CELSR3: variants seen among roughly 807,000 people sequenced by gnomAD.
CELSR3 encodes cadherin EGF LAG seven-pass G-type receptor 3, also known as EGF-like protein 1.
CELSR3 carries 73 observed loss-of-function variants against 270.0 expected under a neutral mutation model. The ratio of observed to expected loss-of-function variants is 0.27; its 90% CI spans 0.22 to 0.33. The LOEUF is 0.33. Ranked by LOEUF, CELSR3 falls within the 10% of genes least tolerant of loss-of-function variation. CELSR3 has a pLI of 1.00. For synonymous variants in CELSR3, 1,780 were observed against 1,905.4 expected (o/e 0.93, Z 1.71); for missense variants, 3,614 against 4,533.8 (o/e 0.80, Z 5.83).
chr3:48,652,955 C>T lies in CELSR3; in HGVS notation c.5634+47G>A. On this transcript the variant is annotated intron_variant, in intron 10 of 34. Transcript: ENST00000164024. The surrounding 1 kb of genome is among the most constrained non-coding windows in gnomAD (Gnocchi z 4.3). Reference sequence around the variant, plus strand: ...AGAGGTGGGGTCAAATAAGGCGGATCTGGTTGGAAGGCTGAGAACAGACTA... The same window carrying T: ...AGAGGTGGGGTCAAATAAGGCGGATTTGGTTGGAAGGCTGAGAACAGACTA... 1 of 1,539,378 alleles carries T rather than the reference C, an allele frequency of 6.5e-7. No individual in the cohort carries two copies. Among genetic ancestry groups the T allele is most frequent in the Non-Finnish European group, 8.9e-7 (1 of 1,118,692 alleles).
chr3:48,639,905 C>T lies in CELSR3; in HGVS notation c.9680G>A (p.Arg3227Lys). 6.2e-7 allele frequency: 1 copy of T among 1,613,248 alleles called. No homozygotes were observed. Among genetic ancestry groups the T allele is most frequent in the Non-Finnish European group, 8.5e-7 (1 of 1,179,994 alleles). The stretch of plus-strand genomic sequence containing the variant: ...GCTGGGGCCACTGACCGAGTCCTCC[C>T]TAGCTCTGAGCAGCTGCGGGAGTGG... ...LGPLPQLLRA[R>K]EDSVSGPSHG... is the part of the protein sequence containing the mutation. The change falls in exon 34 of 35, where the codon AGG becomes AAG. Residue 3227 changes from arginine (R) to lysine (K), a missense_variant. By Grantham distance (26) the Arg-to-Lys change is conservative. Transcript: ENST00000164024. The surrounding 1 kb of genome is among the most constrained non-coding windows in gnomAD (Gnocchi z 4.1).
rs2077077415 is a variant in CELSR3, at chr3:48,662,545, G to T, written c.90C>A (p.Ser30Arg). Reference sequence around the variant, plus strand: ...GCCCACCGCCCCCCAGCTCCTCCTGGCTGAGGGGGAACAAAGAGAGGAGAA... The same window carrying T: ...GCCCACCGCCCCCCAGCTCCTCCTGTCTGAGGGGGAACAAAGAGAGGAGAA... The part of the protein sequence containing the change: ...LLLLLSLFPL[S>R]QEELGGGGHQ... Residue 30 changes from serine to arginine, a missense_variant, in exon 1 of 35, where the codon AGC becomes AGA. Around this residue, in one of 7 missense-constraint regions of CELSR3, gnomAD observed 470 missense variants for 469.7 expected, o/e 1.00. Coordinates refer to ENST00000164024, the MANE Select transcript of CELSR3 (RefSeq NM_001407.3). The surrounding 1 kb of genome is among the most constrained non-coding windows in gnomAD (Gnocchi z 7.1). 6 of 1,594,138 alleles carry T rather than the reference G, an allele frequency of 3.8e-6. No individual in the cohort carries two copies. The highest frequency in any genetic ancestry group is 5.1e-6 in the Non-Finnish European group (6 of 1,170,260).
Position 48,639,098 on chromosome 3 carries a change from C to T in CELSR3, c.9911+576G>A, listed in dbSNP as rs977917529. On this transcript the variant is annotated intron_variant, in intron 34 of 34. Coordinates refer to ENST00000164024, the MANE Select transcript of CELSR3 (RefSeq NM_001407.3). This position sits in a 1 kb window ranked among gnomAD's most constrained non-coding sequence, Gnocchi z 4.1. ...GCCATCCCCTTCCCCACAGATGCTT[C>T]ACACATACCCGAGATGAACCAGGTT... Among the ~76,000 whole-genome samples, 1 of 152,182 alleles carries T rather than the reference C, an allele frequency of 6.6e-6. No homozygotes were observed. Among genetic ancestry groups the T allele is most frequent in the Admixed American group, 6.5e-5 (1 of 15,280 alleles).
rs773607325 is a variant in CELSR3, at chr3:48,641,664, G to C, written c.8825-140C>G. 3.7e-6 allele frequency: 3 copies of C among 807,724 alleles called. No homozygotes were observed. In the South Asian group the frequency reaches 5.4e-5, roughly 15 times the overall value. 50.0% of individuals were successfully genotyped at this position (807,724 alleles called of 1,614,324 possible). A position where few individuals can be genotyped will look rare whatever the true frequency, so the allele number is the denominator to read the frequency against. ...GGAGGGTATCTCCTCAGAGATCAAT[G>C]GGTGGGGGTGACTGGTGAGCTCCCT... On this transcript the variant is annotated intron_variant, in intron 32 of 34. Coordinates refer to ENST00000164024, the MANE Select transcript of CELSR3 (RefSeq NM_001407.3). The surrounding 1 kb of genome is among the most constrained non-coding windows in gnomAD (Gnocchi z 4.8).
At chr3:48,648,238 G>GGCC in intron 19 of CELSR3, 28 bp downstream of exon 19, 221 of 1,342,548 alleles carry the variant, frequency 1.6e-4, no homozygotes, top group Non-Finnish European at 2.2e-4. Context: ...CCCCTGCTGT[G>GGCC]CCCCGCCCTA....
In CELSR3 at chr3:48,641,843, C is replaced by T. The variant is rs1194777554; in HGVS notation, c.8824+8G>A. 1.4e-6 allele frequency: 2 copies of T among 1,454,694 alleles called. No homozygotes were observed. Among genetic ancestry groups the T allele is most frequent in the Non-Finnish European group, 1.8e-6 (2 of 1,101,338 alleles). The allele number at this position is 1,454,694 out of a possible 1,614,324, so 90.1% of individuals were successfully genotyped here. ...TGGTCACCCAAGGGGTCAGAGGGCGCCTGGCACCTTTGGGGTGGGTGAGGA... is the reference window on the plus strand; with the variant it reads ...TGGTCACCCAAGGGGTCAGAGGGCGTCTGGCACCTTTGGGGTGGGTGAGGA... On this transcript the variant is annotated splice_region_variant and intron_variant, in intron 32 of 34. Coordinates refer to ENST00000164024, the MANE Select transcript of CELSR3 (RefSeq NM_001407.3). The surrounding 1 kb of genome is among the most constrained non-coding windows in gnomAD (Gnocchi z 4.8).
rs2077026398 is a variant in CELSR3 at position 48,656,747 on chromosome 3, G to A, written c.4350C>T (p.Cys1450=). ...ACGTGTAGCCTCCCTCGCGCCGCGC[G>A]CAGGCTCCGCCGTTGCGACATGGGT... The part of the protein sequence containing the change: ...YSNPCRNGGA[C]ARREGGYTCV... Residue 1450 remains cysteine (C), a synonymous_variant, in exon 2 of 35, where the codon TGC becomes TGT. Coordinates refer to ENST00000164024, the MANE Select transcript of CELSR3 (RefSeq NM_001407.3). 1 of 1,533,872 alleles carries A rather than the reference G, an allele frequency of 6.5e-7. No homozygotes were observed. Among genetic ancestry groups the A allele is most frequent in the Non-Finnish European group, 8.8e-7 (1 of 1,142,532 alleles).
chr3:48,654,094 A>G lies in CELSR3; in HGVS notation c.5153-91T>C. ...CTTTAGTGTCCAGAGGGGCTGAAAG[A>G]GACCAAGATCTCAGCCCCATTTCCC... On this transcript the variant is annotated intron_variant, in intron 7 of 34. Transcript: ENST00000164024. The surrounding 1 kb of genome is among the most constrained non-coding windows in gnomAD (Gnocchi z 5.4). 6.4e-7 allele frequency: 1 copy of G among 1,552,244 alleles called. No homozygotes were observed. Among genetic ancestry groups the G allele is most frequent in the Non-Finnish European group, 8.8e-7 (1 of 1,142,814 alleles).
In CELSR3 at chr3:48,650,938, G is replaced by A; in HGVS notation, c.6324C>T (p.Asn2108=). The A allele has an allele frequency of 1.2e-6, 2 of 1,611,664 alleles. No homozygotes were observed. Among genetic ancestry groups the A allele is most frequent in the Non-Finnish European group, 1.7e-6 (2 of 1,179,850 alleles). Reference sequence around the variant, plus strand: ...CCTCTGCGAAGGGACTGTCACAGCTGTTGCACTGGCGGCCAAGGGCTCCTG... The same window carrying A: ...CCTCTGCGAAGGGACTGTCACAGCTATTGCACTGGCGGCCAAGGGCTCCTG... ...CRPGALGRQC[N]SCDSPFAEVT... The change falls in exon 15 of 35, where the codon AAC becomes AAT. Residue 2108 remains asparagine, a synonymous_variant. Coordinates refer to ENST00000164024, the MANE Select transcript of CELSR3 (RefSeq NM_001407.3). This position sits in a 1 kb window ranked among gnomAD's most constrained non-coding sequence, Gnocchi z 5.1.
rs898777128 is a variant in CELSR3, at chr3:48,652,564, T to G, written c.5635-11A>C. On this transcript the variant is annotated splice_polypyrimidine_tract_variant and intron_variant, in intron 10 of 34. Transcript: ENST00000164024. This position sits in a 1 kb window ranked among gnomAD's most constrained non-coding sequence, Gnocchi z 4.3. Reference sequence around the variant, plus strand: ...CACCGCCATGGTGTCCTGGAGGAAGTGGGGCAGTCAGCACTGAGGGAGAGG... The same window carrying G: ...CACCGCCATGGTGTCCTGGAGGAAGGGGGGCAGTCAGCACTGAGGGAGAGG... 6.3e-7 allele frequency: 1 copy of G among 1,598,056 alleles called. No individual in the cohort carries two copies. Among genetic ancestry groups the G allele is most frequent in the Non-Finnish European group, 8.5e-7 (1 of 1,170,556 alleles).
At chr3:48,648,576 C>A (rs572970124) in intron 18 of CELSR3, 115 bp from the exon 19 acceptor site, 2 of 1,367,546 alleles carry the variant, frequency 1.5e-6, no homozygotes, top group South Asian at 1.4e-5. Flanking sequence ...GGCAAGGGGG[C>A]GGGGCTGGAG....
Position 48,641,775 on chromosome 3 carries a change from A to G in CELSR3, c.8824+76T>C. 1 of 1,357,362 alleles carries G rather than the reference A, an allele frequency of 7.4e-7. No individual in the cohort carries two copies. The highest frequency in any genetic ancestry group is 9.8e-7 in the Non-Finnish European group (1 of 1,025,276). 84.1% of individuals were successfully genotyped at this position (1,357,362 alleles called of 1,614,324 possible). On this transcript the variant is annotated intron_variant, in intron 32 of 34. Transcript: ENST00000164024. The surrounding 1 kb of genome is among the most constrained non-coding windows in gnomAD (Gnocchi z 4.8). ...AAAGACCAGGATGAACCCCAACCGCAGGAAAGATGGGGAGCTGGAGGGATA... is the reference window on the plus strand; with the variant it reads ...AAAGACCAGGATGAACCCCAACCGCGGGAAAGATGGGGAGCTGGAGGGATA...
Position 48,655,857 on chromosome 3 carries a change from C to A in CELSR3, c.4626-6G>T. On this transcript the variant is annotated splice_region_variant and splice_polypyrimidine_tract_variant and intron_variant, in intron 3 of 34. Coordinates refer to ENST00000164024, the MANE Select transcript of CELSR3 (RefSeq NM_001407.3). This position sits in a 1 kb window ranked among gnomAD's most constrained non-coding sequence, Gnocchi z 5.8. The stretch of plus-strand genomic sequence containing the variant: ...TCTGCTGCACTGTCGCGAACCTGGG[C>A]GGGGTGGGAGGGGGTTGCGGGGGTG... 5.3e-6 allele frequency: 1 copy of A among 187,184 alleles called. No homozygotes were observed. The highest frequency in any genetic ancestry group is 4.1e-5 in the South Asian group (1 of 24,100). The allele number at this position is 187,184 out of a possible 1,614,324, so 11.6% of individuals were successfully genotyped here.
At position 48,651,604 on chromosome 3, in the gene CELSR3, C is replaced by T; in HGVS notation, c.6038G>A (p.Gly2013Asp). 6.3e-7 allele frequency: 1 copy of T among 1,578,674 alleles called. No homozygotes were observed. The highest frequency in any genetic ancestry group is 8.6e-7 in the Non-Finnish European group (1 of 1,159,852). Residue 2013 changes from glycine to aspartate, a missense_variant, in exon 13 of 35, where the codon GGC becomes GAC. By Grantham distance (94) the Gly-to-Asp change is moderately conservative. This residue lies in a region of CELSR3 where 1,331 missense variants were observed against 1,933.7 expected (regional missense o/e 0.69). Transcript: ENST00000164024. The surrounding 1 kb of genome is among the most constrained non-coding windows in gnomAD (Gnocchi z 7.4). ...PHGYTCDCVG[G>D]YFGHHCEHRM... ...GTGCTCACAGTGGTGCCCGAAATAGCCACCCACACAGTCACAGGTATAGCC... is the reference window on the plus strand; with the variant it reads ...GTGCTCACAGTGGTGCCCGAAATAGTCACCCACACAGTCACAGGTATAGCC...
Position 48,661,672 on chromosome 3 carries a change from G to A in CELSR3, c.963C>T (p.Arg321=), listed in dbSNP as rs1486553569. 2 of 1,583,636 alleles carry A rather than the reference G, an allele frequency of 1.3e-6. No individual in the cohort carries two copies. Among genetic ancestry groups the A allele is most frequent in the East Asian group, 2.3e-5 (1 of 44,432 alleles). ...NRARFRRAAN[R]HPQFPQYNYQ... Reference sequence around the variant, plus strand: ...AGTTGTACTGCGGAAACTGCGGGTGGCGGTTTGCGGCGCGACGAAAGCGTG... The same window carrying A: ...AGTTGTACTGCGGAAACTGCGGGTGACGGTTTGCGGCGCGACGAAAGCGTG... The change falls in exon 1 of 35, where the codon CGC becomes CGT. Residue 321 remains arginine, a synonymous_variant. Coordinates refer to ENST00000164024, the MANE Select transcript of CELSR3 (RefSeq NM_001407.3).
In CELSR3 at chr3:48,656,881, C is replaced by T; in HGVS notation, c.4216G>A (p.Ala1406Thr). 6.2e-7 allele frequency: 1 copy of T among 1,609,454 alleles called. No individual in the cohort carries two copies. The highest frequency in any genetic ancestry group is 8.5e-7 in the Non-Finnish European group (1 of 1,177,820). ...FDSSAPFLAS[A>T]STLFRPIQPI... is the part of the protein sequence containing the mutation. Reference sequence around the variant, plus strand: ...TGGATGGGTCGGAACAGCGTGGAGGCCGAGGCCAGGAAGGGCGCGGACGAG... The same window carrying T: ...TGGATGGGTCGGAACAGCGTGGAGGTCGAGGCCAGGAAGGGCGCGGACGAG... Residue 1406 changes from alanine to threonine, a missense_variant, in exon 2 of 35, where the codon GCC becomes ACC. Physicochemically the swap from Ala to Thr is moderately conservative, Grantham distance 58. Coordinates refer to ENST00000164024, the MANE Select transcript of CELSR3 (RefSeq NM_001407.3).
rs1253265400 is a variant in CELSR3 at position 48,654,367 on chromosome 3, C to A, written c.5074G>T (p.Gly1692Cys). The A allele has an allele frequency of 6.2e-7, 1 of 1,613,804 alleles. No homozygotes were observed. ...TCAATGTGCAGGTCCCGCATACAGCCGATGAAGTCCTTATGGGATACGGGG... is the reference window on the plus strand; with the variant it reads ...TCAATGTGCAGGTCCCGCATACAGCAGATGAAGTCCTTATGGGATACGGGG... ...NFPVSHKDFI[G>C]CMRDLHIDGR... The change falls in exon 7 of 35, where the codon GGC (glycine) becomes TGC (cysteine). Residue 1692 changes from glycine to cysteine, a missense_variant. By Grantham distance (159) the Gly-to-Cys change is radical. Transcript: ENST00000164024. The surrounding 1 kb of genome is among the most constrained non-coding windows in gnomAD (Gnocchi z 5.4).
In CELSR3 at chr3:48,661,799, C is replaced by T. The variant is rs779436854; in HGVS notation, c.836G>A (p.Arg279Gln). The T allele has an allele frequency of 2.5e-6, 4 of 1,608,338 alleles. No individual in the cohort carries two copies. Among genetic ancestry groups the T allele is most frequent in the East Asian group, 2.2e-5 (1 of 44,838 alleles). ...GAGGAAGCGGCAGCGGAAGAGACCC[C>T]GGGAGCGCATGCGCTTGGGCGCCGG... ...PEPAPKRMRSRGLFRCRFLPQ... is the reference protein window; with the variant it reads ...PEPAPKRMRSQGLFRCRFLPQ... The change falls in exon 1 of 35, where the codon CGG becomes CAG. Residue 279 changes from arginine to glutamine, a missense_variant. Arg to Gln is a conservative substitution (Grantham distance 43). Around this residue, in one of 7 missense-constraint regions of CELSR3, gnomAD observed 470 missense variants for 469.7 expected, o/e 1.00. Transcript: ENST00000164024.
In CELSR3 at chr3:48,652,460, G is replaced by T. The variant is rs1221325948; in HGVS notation, c.5728C>A (p.Gln1910Lys). The change falls in exon 11 of 35, where the codon CAG becomes AAG. Residue 1910 changes from glutamine (Q) to lysine (K), a missense_variant. Gln to Lys is a moderately conservative substitution (Grantham distance 53). Around this residue, in one of 7 missense-constraint regions of CELSR3, gnomAD observed 1,331 missense variants for 1,933.7 expected, o/e 0.69. Coordinates refer to ENST00000164024, the MANE Select transcript of CELSR3 (RefSeq NM_001407.3). This position sits in a 1 kb window ranked among gnomAD's most constrained non-coding sequence, Gnocchi z 4.3. ...LPPGSAEEAP[Q>K]GLVGCIQGVW... Reference sequence around the variant, plus strand: ...ACCTGGATGCAGCCAACCAGACCCTGAGGAGCCTCCTCTGCACTGCCGGGG... The same window carrying T: ...ACCTGGATGCAGCCAACCAGACCCTTAGGAGCCTCCTCTGCACTGCCGGGG... 3.7e-6 allele frequency: 6 copies of T among 1,613,766 alleles called. No homozygotes were observed. The highest frequency in any genetic ancestry group is 4.2e-6 in the Non-Finnish European group (5 of 1,179,918).
Sources: allele counts gnomAD v4.1 joint callset (sites outside exome capture counted in the v4.1 genomes callset), GRCh38; gene constraint gnomAD v4.1.1; regional missense constraint gnomAD v4.1.1; non-coding constraint Gnocchi (gnomAD v3.1); transcripts MANE v1.5; gene names NCBI Gene and HGNC (gene_info 2026-07-23, HGNC 2026-07-21).